Variants in KAT6B observed in about 807,000 individuals in gnomAD.
KAT6B encodes the protein lysine acetyltransferase 6B.
A neutral mutation model predicts 187.5 loss-of-function variants in KAT6B; 10 were observed. The ratio of observed to expected loss-of-function variants is 0.05; its 90% CI spans 0.03 to 0.09. The LOEUF (loss-of-function observed/expected upper bound fraction) is 0.09. Ranked by LOEUF, KAT6B falls within the 10% of genes least tolerant of loss-of-function variation. The probability of loss-of-function intolerance (pLI) is 1.00; values close to 1 mark genes in which losing one functional copy is unlikely to be tolerated. For synonymous variants in KAT6B, 861 were observed against 926.8 expected (o/e 0.93, Z 1.29); for missense variants, 1,952 against 2,558.9 (o/e 0.76, Z 5.12).
intron 3 of KAT6B, among the ~76,000 whole-genome samples, chr10:74,930,032 G>T (rs367863858): frequency 1.3e-5 from 2 of 150,830 alleles, no homozygotes; most frequent in East Asian, 3.9e-4. Context: ...CGATTCTCCT[G>T]CCTCAGCCTC....
intron 1 of KAT6B, among the ~76,000 whole-genome samples, chr10:74,836,234 T>C (rs1841298573): frequency 6.6e-6 from 1 of 152,266 alleles, no homozygotes; most frequent in Non-Finnish European, 1.5e-5. Flanking sequence ...ACATTTGGGC[T>C]GTTTACACCT....
At chr10:74,883,660 T>G (rs1003466626) in intron 3 of KAT6B, among the ~76,000 whole-genome samples, 1 of 152,218 alleles carries the variant, frequency 6.6e-6, no homozygotes, top group African/African-American at 2.4e-5. Context: ...AAGCTCACTT[T>G]ATGATTATAC....
At chr10:74,832,591 T>C (rs1182443290) in intron 1 of KAT6B, among the ~76,000 whole-genome samples, 1 of 152,004 alleles carries the variant, frequency 6.6e-6, no homozygotes, top group East Asian at 2.0e-4. Flanking sequence ...AACCTCCACC[T>C]CCTGGGTTCA....
intron 3 of KAT6B, among the ~76,000 whole-genome samples, chr10:74,932,897 A>G (rs1448192033): frequency 6.6e-6 from 1 of 152,194 alleles, no homozygotes; most frequent in Non-Finnish European, 1.5e-5. Flanking sequence ...TGAGTTGCTT[A>G]CACCAGGGAG....
intron 3 of KAT6B, among the ~76,000 whole-genome samples, chr10:74,952,057 T>C (rs1406920856): frequency 6.6e-6 from 1 of 152,002 alleles, no homozygotes; most frequent in Non-Finnish European, 1.5e-5. Flanking sequence ...TGAAGAAAAA[T>C]AAAGCCAAGG....
intron 3 of KAT6B, among the ~76,000 whole-genome samples, chr10:74,899,032 G>A (rs1358553690): frequency 2.7e-5 from 4 of 148,804 alleles, no homozygotes; most frequent in African/African-American, 1.0e-4. Flanking sequence ...ATGGTGGCAG[G>A]CACCTGTAAT....
At chr10:74,940,861 C>T (rs1218167250) in intron 3 of KAT6B, among the ~76,000 whole-genome samples, 1 of 152,166 alleles carries the variant, frequency 6.6e-6, no homozygotes, top group Non-Finnish European at 1.5e-5. Context: ...ATTTTCTCTC[C>T]AACTCCTTAG....
At chr10:74,942,013 G>T (rs1389399734) in intron 3 of KAT6B, among the ~76,000 whole-genome samples, 1 of 152,150 alleles carries the variant, frequency 6.6e-6, no homozygotes, top group Non-Finnish European at 1.5e-5. Flanking sequence ...AGCCAGGCAT[G>T]GTGTCAGGTG....
chr10:74,832,164 A>G (rs1425014003), intron 1 of KAT6B, among the ~76,000 whole-genome samples: 1 of 152,224 alleles, frequency 6.6e-6, no homozygotes, highest in Non-Finnish European at 1.5e-5. Flanking sequence ...ATATGGGTAC[A>G]TGTGCTTATT....
At chr10:74,963,414 T>G (rs898914087) in intron 4 of KAT6B, among the ~76,000 whole-genome samples, 1 of 152,170 alleles carries the variant, frequency 6.6e-6, no homozygotes, top group African/African-American at 2.4e-5. Context: ...CTAAGATAAG[T>G]GTACAGTTCA....
At chr10:74,876,800 C>A (rs1564536605) in intron 3 of KAT6B, among the ~76,000 whole-genome samples, 1 of 151,864 alleles carries the variant, frequency 6.6e-6, no homozygotes, top group Non-Finnish European at 1.5e-5. Context: ...GTAGTCTCAG[C>A]TACTCGGGAG....
At chr10:75,018,136 G>C (rs1845115637) in intron 13 of KAT6B, among the ~76,000 whole-genome samples, 1 of 152,228 alleles carries the variant, frequency 6.6e-6, no homozygotes, top group South Asian at 2.1e-4. Flanking sequence ...TGGGTTTGCA[G>C]TTGTCTTCTT....
chr10:74,835,645 T>C (rs1841242778), intron 1 of KAT6B, among the ~76,000 whole-genome samples: 1 of 152,258 alleles, frequency 6.6e-6, no homozygotes, highest in Non-Finnish European at 1.5e-5. Context: ...AGATCTTGGC[T>C]AAGTCAAGCC....
intron 3 of KAT6B, among the ~76,000 whole-genome samples, chr10:74,904,118 C>T (rs1466477245): frequency 1.3e-5 from 2 of 152,204 alleles, no homozygotes; most frequent in Non-Finnish European, 2.9e-5. Flanking sequence ...ATGGCCTTCT[C>T]TATGTCTGGA....
At chr10:74,988,384 G>T (rs766809810) in intron 12 of KAT6B, among the ~76,000 whole-genome samples, 2 of 152,118 alleles carry the variant, frequency 1.3e-5, no homozygotes, top group Non-Finnish European at 2.9e-5. Flanking sequence ...TAATATTTTG[G>T]TCTAACCTTT....
chr10:74,979,173 A>G, intron 9 of KAT6B, 51 bp from the exon 10 acceptor site: 1 of 1,325,234 alleles, frequency 7.5e-7, no homozygotes, highest in South Asian at 1.2e-5. Context: ...AAGAACCAAA[A>G]TGTAAGTGAA....
intron 3 of KAT6B, among the ~76,000 whole-genome samples, chr10:74,888,141 A>G (rs1845416506): frequency 6.6e-6 from 1 of 152,226 alleles, no homozygotes; most frequent in African/African-American, 2.4e-5. Flanking sequence ...TATCCCTTCA[A>G]GCACTGCCAG....
intron 3 of KAT6B, among the ~76,000 whole-genome samples, chr10:74,865,541 A>T: frequency 1.4e-5 from 2 of 146,252 alleles, no homozygotes; most frequent in African/African-American, 2.5e-5. Context: ...TTTGAGATGG[A>T]GTCTTACTCT....
chr10:74,942,626 A>G (rs1399727228), intron 3 of KAT6B, among the ~76,000 whole-genome samples: 1 of 152,020 alleles, frequency 6.6e-6, no homozygotes, highest in African/African-American at 2.4e-5. Context: ...TTAGCTGGGC[A>G]TGGTGGCACA....
Sources: allele counts gnomAD v4.1 joint callset (sites outside exome capture counted in the v4.1 genomes callset), GRCh38; gene constraint gnomAD v4.1.1; transcripts MANE v1.5; gene names NCBI Gene and HGNC (gene_info 2026-07-23, HGNC 2026-07-21).